Variants in ZHX3 observed in about 807,000 individuals in gnomAD.
The protein encoded by ZHX3 is zinc fingers and homeoboxes protein 3.
A neutral mutation model predicts 64.5 loss-of-function variants in ZHX3; 20 were observed. That is an observed-to-expected ratio of 0.31 (90% CI 0.22 to 0.45). The LOEUF is 0.45. Among genes scored for constraint, ZHX3 ranks in the 20% least tolerant of loss-of-function variants. The pLI, the probability that ZHX3 is intolerant of heterozygous loss-of-function variation, is 1.00. For missense variants in ZHX3, 1,041 were observed against 1,195.8 expected, an observed-to-expected ratio of 0.87 and a Z score of 1.91; for synonymous variants, 423 against 461.6, an observed-to-expected ratio of 0.92 and a Z score of 1.07.
chr20:41,279,834 T>TTCTATA (rs2043581738), intron 1 of ZHX3, among the ~76,000 whole-genome samples: 1 of 152,024 alleles, frequency 6.6e-6, no homozygotes, highest in Non-Finnish European at 1.5e-5. Flanking sequence ...TCTAAAACTG[T>TTCTATA]GAATATAACC....
At chr20:41,292,788 T>C (rs1289708159) in intron 1 of ZHX3, among the ~76,000 whole-genome samples, 3 of 152,270 alleles carry the variant, frequency 2.0e-5, no homozygotes, top group Non-Finnish European at 4.4e-5. Context: ...GTCTCTTTTC[T>C]GTAACTTTCT....
intron 1 of ZHX3, among the ~76,000 whole-genome samples, chr20:41,278,512 A>G (rs2043505214): frequency 7.1e-6 from 1 of 141,080 alleles, no homozygotes. Context: ...TAGGTCTGAT[A>G]AACATCTCTC....
intron 2 of ZHX3, among the ~76,000 whole-genome samples, chr20:41,259,059 C>T (rs1203869666): frequency 2.0e-5 from 3 of 152,162 alleles, no homozygotes; most frequent in Admixed American, 6.5e-5. Flanking sequence ...CATAACCCCA[C>T]CTTCAGAGAT....
At chr20:41,264,468 A>C (rs769283032) in intron 2 of ZHX3, among the ~76,000 whole-genome samples, 79 of 148,216 alleles carry the variant, frequency 5.3e-4, no homozygotes, top group Middle Eastern at 6.9e-3. Flanking sequence ...CTGAGATGGG[A>C]GAATCACTTG....
chr20:41,314,477 A>G (rs1289596552), intron 1 of ZHX3, among the ~76,000 whole-genome samples: 1 of 152,244 alleles, frequency 6.6e-6, no homozygotes. Flanking sequence ...CTGTTGACAC[A>G]AAAACCCCAC....
intron 2 of ZHX3, among the ~76,000 whole-genome samples, chr20:41,265,276 C>T (rs1287933422): frequency 2.0e-5 from 3 of 149,452 alleles, no homozygotes; most frequent in Admixed American, 2.0e-4. Flanking sequence ...AATCTTGGCT[C>T]ACCGCAACCC....
At chr20:41,199,386 T>G (rs1040837012) in intron 3 of ZHX3, among the ~76,000 whole-genome samples, 1 of 152,192 alleles carries the variant, frequency 6.6e-6, no homozygotes, top group Admixed American at 6.5e-5. Flanking sequence ...CCTCAGAGAT[T>G]GCTGATTTTT....
rs1198518815 is a variant in ZHX3, at chr20:41,180,461, ACT to A, written c.*4728_*4729del. On this transcript the variant is annotated 3_prime_UTR_variant, in exon 4 of 4. Transcript: ENST00000683867. Reference sequence around the variant, plus strand: ...GACTTCAGGGCAGTTAGAATGGATGACTCTGCTGGATCTAGAGCTAAATAGAA... The same window carrying A: ...GACTTCAGGGCAGTTAGAATGGATGACTGCTGGATCTAGAGCTAAATAGAA... The A allele has an allele frequency of 3.9e-5, 6 of 152,104 alleles. No individual in the cohort carries two copies. The highest frequency in any genetic ancestry group is 3.8e-4 in the East Asian group (2 of 5,196). 9.4% of individuals were successfully genotyped at this position (152,104 alleles called of 1,614,324 possible). A position where few individuals can be genotyped will look rare whatever the true frequency, so the allele number is the denominator to read the frequency against.
At chr20:41,234,149 C>A (rs1301950292) in intron 2 of ZHX3, among the ~76,000 whole-genome samples, 1 of 152,172 alleles carries the variant, frequency 6.6e-6, no homozygotes, top group Non-Finnish European at 1.5e-5. Context: ...CAGCCTCACT[C>A]GGGCCCAACT....
chr20:41,201,930 G>T lies in ZHX3; in HGVS notation c.2860+127C>A. 8.5e-7 allele frequency: 1 copy of T among 1,173,928 alleles called. No individual in the cohort carries two copies. Among genetic ancestry groups the T allele is most frequent in the Non-Finnish European group, 1.2e-6 (1 of 863,154 alleles). 72.7% of individuals were successfully genotyped at this position (1,173,928 alleles called of 1,614,324 possible). On this transcript the variant is annotated intron_variant, in intron 3 of 3. Transcript: ENST00000683867. The surrounding 1 kb of genome is among the most constrained non-coding windows in gnomAD (Gnocchi z 5.0). ...TAGTTGTCCTCTGAAGCAGCCAGGC[G>T]GTTAATGCTGCTGCCAGGCAGCCTT...
intron 2 of ZHX3, among the ~76,000 whole-genome samples, chr20:41,243,995 A>G (rs2041542024): frequency 1.3e-5 from 2 of 152,184 alleles, no homozygotes; most frequent in Non-Finnish European, 2.9e-5. Context: ...ACCACCTCTT[A>G]CATCAGGGTT....
rs780331804 is a variant in ZHX3 at position 41,202,289 on chromosome 20, G to A, written c.2628C>T (p.Ser876=). 3.7e-6 allele frequency: 6 copies of A among 1,614,106 alleles called. No individual in the cohort carries two copies. In the East Asian group the frequency reaches 8.9e-5, roughly 24 times the overall value. Residue 876 remains serine, a synonymous_variant, in exon 3 of 4, where the codon TCC becomes TCT. Transcript: ENST00000683867. This position sits in a 1 kb window ranked among gnomAD's most constrained non-coding sequence, Gnocchi z 7.0. The part of the protein sequence containing the change: ...QNLCDKTQMS[S]QQVKQWFAEK... ...CAGCAAACCACTGCTTGACCTGCTG[G>A]GAGCTCATCTGGGTCTTGTCACAGA...
chr20:41,311,756 G>A (rs551006849), intron 1 of ZHX3, among the ~76,000 whole-genome samples: 16 of 152,184 alleles, frequency 1.1e-4, no homozygotes, highest in Non-Finnish European at 2.2e-4. Flanking sequence ...AAAAACAGAA[G>A]TGGTAATATA....
intron 2 of ZHX3, among the ~76,000 whole-genome samples, chr20:41,213,054 A>G (rs2039279699): frequency 6.6e-6 from 1 of 152,210 alleles, no homozygotes; most frequent in African/African-American, 2.4e-5. Context: ...GTTCTGATGC[A>G]TGCTGCAACA....
chr20:41,208,074 A>C (rs2038869566), intron 2 of ZHX3, among the ~76,000 whole-genome samples: 1 of 152,272 alleles, frequency 6.6e-6, no homozygotes, highest in Non-Finnish European at 1.5e-5. Context: ...CTCTACGCAA[A>C]TAAACTAGAA....
intron 2 of ZHX3, among the ~76,000 whole-genome samples, chr20:41,237,845 C>T (rs939633901): frequency 2.6e-5 from 4 of 152,150 alleles, no homozygotes; most frequent in African/African-American, 7.2e-5. Flanking sequence ...TTATTAAACA[C>T]AAGGTTCTAG....
At chr20:41,256,411 G>C (rs1427972106) in intron 2 of ZHX3, among the ~76,000 whole-genome samples, 1 of 151,934 alleles carries the variant, frequency 6.6e-6, no homozygotes, top group Non-Finnish European at 1.5e-5. Context: ...TTCTTAATTA[G>C]GTGAGGGTAG....
chr20:41,289,073 C>T (rs1600639188), intron 1 of ZHX3, among the ~76,000 whole-genome samples: 1 of 152,210 alleles, frequency 6.6e-6, no homozygotes, highest in South Asian at 2.1e-4. Context: ...TCCACGGCAA[C>T]CTCAACCTCT....
At chr20:41,197,445 G>GA (rs1365856223) in intron 3 of ZHX3, among the ~76,000 whole-genome samples, 6 of 146,072 alleles carry the variant, frequency 4.1e-5, no homozygotes, top group South Asian at 2.1e-4. Flanking sequence ...TTTTTCTCCA[G>GA]AAAAAACAGA....
Sources: allele counts gnomAD v4.1 joint callset (sites outside exome capture counted in the v4.1 genomes callset), GRCh38; gene constraint gnomAD v4.1.1; non-coding constraint Gnocchi (gnomAD v3.1); transcripts MANE v1.5; gene names NCBI Gene and HGNC (gene_info 2026-07-23, HGNC 2026-07-21).